The following CORIN variants were observed in gnomAD, a reference collection of about 807,000 sequenced individuals.
The protein encoded by CORIN is atrial natriuretic peptide-converting enzyme.
A neutral mutation model predicts 125.3 loss-of-function variants in CORIN; 117 were observed. That is an observed-to-expected ratio of 0.93 (90% CI 0.80 to 1.09). The LOEUF is 1.09. Among genes scored for constraint, CORIN ranks in the 50% least tolerant of loss-of-function variants. The pLI is 0.00. For synonymous variants in CORIN, 450 were observed against 466.4 expected (o/e 0.96, Z 0.45); for missense variants, 1,253 against 1,306.7 (o/e 0.96, Z 0.63).
At chr4:47,696,361 T>C (rs1034372616) in intron 5 of CORIN, among the ~76,000 whole-genome samples, 5 of 152,220 alleles carry the variant, frequency 3.3e-5, no homozygotes, top group African/African-American at 1.2e-4. Flanking sequence ...CAATGGCAGA[T>C]TGATAACTGG....
chr4:47,612,883 G>A (rs4695256), intron 19 of CORIN, among the ~76,000 whole-genome samples: 81,492 of 151,980 alleles, frequency 0.54, 22,591 homozygotes, highest in East Asian at 0.75. Flanking sequence ...GCTAGCCGTC[G>A]GTGATAAAAT....
Position 47,744,444 on chromosome 4 carries a change from T to C in CORIN, c.757A>G (p.Ser253Gly), listed in dbSNP as rs112561808. Reference sequence around the variant, plus strand: ...TGCTGAGGTGAGAAGCAAATTCTGCTGACATTGCTGCTTTCAGTTTGGTTT... The same window carrying C: ...TGCTGAGGTGAGAAGCAAATTCTGCCGACATTGCTGCTTTCAGTTTGGTTT... ...FRNQTESSNV[S>G]RICFSPQQEN... The change falls in exon 5 of 22, where the codon AGC (serine) becomes GGC (glycine). Residue 253 changes from serine (S) to glycine (G), a missense_variant. Coordinates refer to ENST00000273857, the MANE Select transcript of CORIN (RefSeq NM_006587.4). The C allele has an allele frequency of 6.2e-7, 1 of 1,614,154 alleles. No homozygotes were observed. The highest frequency in any genetic ancestry group is 8.5e-7 in the Non-Finnish European group (1 of 1,180,014).
At chr4:47,759,344 T>G (rs963290442) in intron 4 of CORIN, among the ~76,000 whole-genome samples, 2 of 151,996 alleles carry the variant, frequency 1.3e-5, no homozygotes, top group Non-Finnish European at 2.9e-5. Context: ...AGCTCAAACA[T>G]CAAAAGCAAA....
At chr4:47,732,533 G>A (rs1440418395) in intron 5 of CORIN, among the ~76,000 whole-genome samples, 1 of 151,060 alleles carries the variant, frequency 6.6e-6, no homozygotes, top group Non-Finnish European at 1.5e-5. Flanking sequence ...TGCTCCAGTT[G>A]CCCACTATGG....
chr4:47,644,253 T>C (rs1723369662), intron 14 of CORIN, among the ~76,000 whole-genome samples: 1 of 152,308 alleles, frequency 6.6e-6, no homozygotes, highest in Admixed American at 6.5e-5. Flanking sequence ...CTGGACATGA[T>C]CAAGGAAGCA....
chr4:47,833,266 G>C (rs1023614451), intron 1 of CORIN, among the ~76,000 whole-genome samples: 22 of 152,116 alleles, frequency 1.4e-4, no homozygotes, highest in African/African-American at 5.3e-4. Context: ...TACATACATA[G>C]TTGACAAGGA....
chr4:47,731,791 C>T (rs1727883106), intron 5 of CORIN, among the ~76,000 whole-genome samples: 1 of 151,974 alleles, frequency 6.6e-6, no homozygotes, highest in African/African-American at 2.4e-5. Context: ...ATTGCTTGAA[C>T]CCAGGAGGCG....
intron 14 of CORIN, among the ~76,000 whole-genome samples, chr4:47,643,997 C>A (rs1439890961): frequency 6.6e-6 from 1 of 152,210 alleles, no homozygotes; most frequent in Non-Finnish European, 1.5e-5. Flanking sequence ...ACAGCTCCTG[C>A]CCAAACTCTG....
chr4:47,613,770 G>T (rs13117568), intron 19 of CORIN, among the ~76,000 whole-genome samples: 37,686 of 139,226 alleles, frequency 0.27, 4,960 homozygotes, highest in Admixed American at 0.37. Flanking sequence ...AGATCACATG[G>T]ACACAGGAAG....
chr4:47,642,113 C>G, intron 15 of CORIN, 64 bp from the exon 16 acceptor site: 1 of 1,526,608 alleles, frequency 6.6e-7, no homozygotes, highest in East Asian at 2.3e-5. Context: ...AAGCACATAA[C>G]TTTACATGCC....
intron 10 of CORIN, among the ~76,000 whole-genome samples, chr4:47,667,435 G>A (rs951040603): frequency 2.0e-5 from 3 of 152,178 alleles, no homozygotes; most frequent in African/African-American, 7.2e-5. Context: ...AGGCAGGCAA[G>A]CAAGTGTCCT....
intron 6 of CORIN, among the ~76,000 whole-genome samples, chr4:47,688,577 G>A (rs1477008653): frequency 6.6e-6 from 1 of 152,088 alleles, no homozygotes; most frequent in African/African-American, 2.4e-5. Flanking sequence ...ACTCCAGCCT[G>A]GGTGACAGAG....
intron 12 of CORIN, among the ~76,000 whole-genome samples, chr4:47,656,999 GA>G (rs561741345): frequency 2.8e-4 from 43 of 152,080 alleles, no homozygotes; most frequent in Middle Eastern, 3.4e-3. Context: ...CAAAAAATGT[GA>G]AAGAGAAACC....
chr4:47,691,817 G>A (rs995434111), intron 6 of CORIN, among the ~76,000 whole-genome samples: 1 of 151,922 alleles, frequency 6.6e-6, no homozygotes, highest in African/African-American at 2.4e-5. Flanking sequence ...ATGTTACCAT[G>A]ATAAACTGCC....
chr4:47,676,759 C>A (rs542084853), intron 9 of CORIN, among the ~76,000 whole-genome samples: 1 of 152,260 alleles, frequency 6.6e-6, no homozygotes, highest in South Asian at 2.1e-4. Context: ...AAATAATCTA[C>A]AAAGCCTGCC....
At chr4:47,619,810 G>A (rs1419615959) in intron 19 of CORIN, among the ~76,000 whole-genome samples, 1 of 152,136 alleles carries the variant, frequency 6.6e-6, no homozygotes, top group African/African-American at 2.4e-5. Context: ...GATTCATTTA[G>A]GTAATCATCG....
At chr4:47,655,418 T>A (rs1329263369) in intron 12 of CORIN, among the ~76,000 whole-genome samples, 3 of 152,080 alleles carry the variant, frequency 2.0e-5, no homozygotes, top group African/African-American at 7.2e-5. Flanking sequence ...CATTTCTGGA[T>A]GTGCCCTGAG....
At chr4:47,830,338 G>A (rs987921270) in intron 1 of CORIN, among the ~76,000 whole-genome samples, 2 of 152,068 alleles carry the variant, frequency 1.3e-5, no homozygotes, top group Non-Finnish European at 2.9e-5. Flanking sequence ...AGGATCACAC[G>A]TGGAACTGCA....
intron 5 of CORIN, among the ~76,000 whole-genome samples, chr4:47,696,256 A>G (rs1725997664): frequency 6.6e-6 from 1 of 152,166 alleles, no homozygotes; most frequent in Non-Finnish European, 1.5e-5. Flanking sequence ...GCCCCTTAGG[A>G]TGACAAAGGG....
Sources: gnomAD v4.1 joint callset for allele counts (sites outside exome capture counted in the v4.1 genomes callset) on GRCh38, gnomAD v4.1.1 for gene constraint, MANE v1.5 for transcripts, NCBI Gene and HGNC (gene_info 2026-07-23, HGNC 2026-07-21) for gene names.